The following CLEC12A variants were observed in gnomAD, a reference collection of about 807,000 sequenced individuals.
CLEC12A encodes C-type lectin domain family 12 member A, also known as C-type lectin protein CLL-1.
A neutral mutation model predicts 26.5 loss-of-function variants in CLEC12A; 22 were observed. The observed-to-expected ratio is 0.83, with a 90% CI of 0.59 to 1.19. CLEC12A has a LOEUF of 1.19. CLEC12A is among the 50% of genes most tolerant of loss of function. The pLI is 0.00. For missense variants in CLEC12A, 353 were observed against 315.6 expected (o/e 1.12, Z -0.90); for synonymous variants, 119 against 101.9 (o/e 1.17, Z -1.01).
chr12:9,979,392 G>T lies in CLEC12A; in HGVS notation c.247G>T (p.Glu83Ter), dbSNP rs751795625. 6.2e-7 allele frequency: 1 copy of T among 1,609,972 alleles called. No individual in the cohort carries two copies. Among genetic ancestry groups the T allele is most frequent in the Non-Finnish European group, 8.5e-7 (1 of 1,177,794 alleles). Residue 83 changes from glutamate (E) to a stop codon, truncating the protein, a stop_gained, in exon 3 of 6, where the codon GAA (glutamate) becomes TAA (stop). Coordinates refer to ENST00000304361, the MANE Select transcript of CLEC12A (RefSeq NM_138337.6). LOFTEE classifies it high-confidence loss of function. ...AATGAACAAACTACAAAACATCAGT[G>T]AAGAGCTCCAGAGAAATATTTCTCT... ...KKMNKLQNIS[E>*]ELQRNISLQL...
upstream of CLEC12A, among the ~76,000 whole-genome samples, chr12:9,970,109 G>C (rs1208014366): frequency 6.6e-6 from 1 of 152,160 alleles, no homozygotes; most frequent in East Asian, 1.9e-4. Context: ...TTTATCAGGA[G>C]AAAATCAGTT....
intron 1 of CLEC12A, among the ~76,000 whole-genome samples, chr12:9,972,640 C>T (rs1864173783): frequency 6.6e-6 from 1 of 152,186 alleles, no homozygotes; most frequent in African/African-American, 2.4e-5. Flanking sequence ...TCTCTCCTCT[C>T]CCCACACAGA....
intron 1 of CLEC12A, among the ~76,000 whole-genome samples, chr12:9,960,573 C>T (rs73048856): frequency 0.016 from 2,487 of 152,286 alleles, 34 homozygotes; most frequent in Non-Finnish European, 0.025. Context: ...CCACCTCACA[C>T]GTCCTCAGCA....
At chr12:10,001,278 C>T in the CLEC12A span, among the ~76,000 whole-genome samples, 1 of 152,164 alleles carries the variant, frequency 6.6e-6, no homozygotes, top group African/African-American at 2.4e-5. Context: ...AGGAATGTGC[C>T]AGGATTAGTT....
At chr12:9,993,102 A>C in intron 4 of CLEC12A, 1 of 1,566,984 alleles carries the variant, frequency 6.4e-7, no homozygotes, top group South Asian at 1.1e-5. Flanking sequence ...TTTATTGTAC[A>C]ATAAAGCCCT....
At position 9,971,641 on chromosome 12, in the gene CLEC12A, C is replaced by T; in HGVS notation, c.45C>T (p.Ser15=). Residue 15 remains serine, a synonymous_variant, in exon 1 of 6, where the codon TCC becomes TCT. Coordinates refer to ENST00000304361, the MANE Select transcript of CLEC12A (RefSeq NM_138337.6). ...ATGCAGATCTTCAATTCCAGAACTC[C>T]AGTGAGATGGAAAAAATCCCAGAAA... The part of the protein sequence containing the change: ...VTYADLQFQN[S]SEMEKIPEIG... The T allele has an allele frequency of 6.2e-7, 1 of 1,609,924 alleles. No homozygotes were observed. The highest frequency in any genetic ancestry group is 8.5e-7 in the Non-Finnish European group (1 of 1,178,028).
At chr12:9,961,565 T>C (rs1863829535) in intron 1 of CLEC12A, among the ~76,000 whole-genome samples, 1 of 152,104 alleles carries the variant, frequency 6.6e-6, no homozygotes, top group Admixed American at 6.5e-5. Flanking sequence ...TTAGATAAAA[T>C]GTATAAAACA....
intron 1 of CLEC12A, among the ~76,000 whole-genome samples, chr12:9,977,546 T>C (rs539827927): frequency 4.6e-4 from 70 of 152,336 alleles, no homozygotes; most frequent in African/African-American, 1.6e-3. Context: ...ATTATTGTCT[T>C]TGAACTTCAT....
intron 1 of CLEC12A, among the ~76,000 whole-genome samples, chr12:9,975,194 G>GA (rs1475422877): frequency 1.8e-4 from 27 of 152,292 alleles, no homozygotes; most frequent in Admixed American, 1.4e-3. Flanking sequence ...GGTACCAATA[G>GA]AGTAGGGCGC....
downstream of CLEC12A, among the ~76,000 whole-genome samples, chr12:9,988,040 C>A (rs1423339155): frequency 1.3e-5 from 2 of 151,988 alleles, no homozygotes; most frequent in Non-Finnish European, 2.9e-5. Context: ...CTTTGGGGGA[C>A]TTTTGGGAAG....
At chr12:9,986,721 G>A (rs571065957), downstream of CLEC12A, among the ~76,000 whole-genome samples, 181 of 152,278 alleles carry the variant, frequency 1.2e-3, 1 homozygote, top group African/African-American at 4.3e-3. Context: ...TGAGGCAGGA[G>A]AATCGCTTGA....
intron 5 of CLEC12A, among the ~76,000 whole-genome samples, chr12:9,982,751 C>T (rs1361539043): frequency 6.6e-6 from 1 of 152,128 alleles, no homozygotes; most frequent in African/African-American, 2.4e-5. Flanking sequence ...ATAGTGTACA[C>T]TGTACCCAAC....
chr12:9,964,891 A>G (rs1863902565), intron 1 of CLEC12A, among the ~76,000 whole-genome samples: 1 of 152,112 alleles, frequency 6.6e-6, no homozygotes, highest in Non-Finnish European at 1.5e-5. Context: ...ATGTCAGGTG[A>G]ATCAGAGAGA....
chr12:9,986,877 T>C (rs1366226234), downstream of CLEC12A, among the ~76,000 whole-genome samples: 1 of 152,194 alleles, frequency 6.6e-6, no homozygotes, highest in East Asian at 1.9e-4. Flanking sequence ...CTTCTTTAAG[T>C]TGACCTTGAC....
Position 9,954,276 on chromosome 12 carries a change from C to T in CLEC12A, c.10+2920C>T, listed in dbSNP as rs536950720. ...CGCAAGAAACTGAGGTGGGCAGATACTTGAGCCCAGGAGTTCGAGACCAGC... is the reference window on the plus strand; with the variant it reads ...CGCAAGAAACTGAGGTGGGCAGATATTTGAGCCCAGGAGTTCGAGACCAGC... On this transcript the variant is annotated intron_variant, in intron 1 of 6. Transcript: ENST00000355690. Among the ~76,000 whole-genome samples the T allele has an allele frequency of 2.1e-5, 3 of 146,070 alleles. No homozygotes were observed. The South Asian group carries it at 6.6e-4, about 32-fold the overall frequency.
rs1054227421 is a variant in CLEC12A at position 9,971,955 on chromosome 12, C to A, written c.91+268C>A. Among the ~76,000 whole-genome samples the A allele has an allele frequency of 2.0e-4, 30 of 151,806 alleles. 1 individual carries two copies. On this transcript the variant is annotated intron_variant, in intron 1 of 5. Coordinates refer to ENST00000304361, the MANE Select transcript of CLEC12A (RefSeq NM_138337.6). ...TCAATATAATTGGGACAGAATTTTT[C>A]AAATGATTGGGTTGTATGAAGATTT...
chr12:9,992,705 T>C (rs1274733331), intron 4 of CLEC12A: 1 of 153,176 alleles, frequency 6.5e-6, no homozygotes, highest in African/African-American at 2.4e-5. Context: ...ATTATTTTGC[T>C]GATTCTAAGT....
downstream of CLEC12A, chr12:9,999,269 G>C: frequency 4.0e-6 from 2 of 500,638 alleles, no homozygotes; most frequent in Non-Finnish European, 7.1e-6. Flanking sequence ...TTTCCAGGAA[G>C]CTTCTTCATA....
chr12:9,967,018 TG>T (rs1364277603), upstream of CLEC12A, among the ~76,000 whole-genome samples: 1 of 151,556 alleles, frequency 6.6e-6, no homozygotes, highest in Non-Finnish European at 1.5e-5. Context: ...CTGAACAGGT[TG>T]GGGAGGGCTA....
Sources: allele counts gnomAD v4.1 joint callset (sites outside exome capture counted in the v4.1 genomes callset), GRCh38; gene constraint gnomAD v4.1.1; transcripts MANE v1.5; gene names NCBI Gene and HGNC (gene_info 2026-07-23, HGNC 2026-07-21).